GPC5: variants seen among roughly 807,000 people sequenced by gnomAD.
GPC5 encodes the protein glypican-5.
In GPC5, 47 loss-of-function variants were observed where a neutral mutation model predicts 53.9. The ratio of observed to expected loss-of-function variants is 0.87; its 90% CI spans 0.69 to 1.11. The LOEUF (loss-of-function observed/expected upper bound fraction) is 1.11. Among genes scored for constraint, GPC5 ranks in the 50% most tolerant of loss-of-function variants. The probability of loss-of-function intolerance (pLI) is 0.00; values close to 1 mark genes in which losing one functional copy is unlikely to be tolerated. For synonymous variants in GPC5, 286 were observed against 263.3 expected (o/e 1.09, Z -0.84); for missense variants, 748 against 713.1 (o/e 1.05, Z -0.56).
At chr13:91,925,062 G>A (rs1198811970) in intron 6 of GPC5, among the ~76,000 whole-genome samples, 7 of 151,974 alleles carry the variant, frequency 4.6e-5, no homozygotes, top group Non-Finnish European at 7.4e-5. Flanking sequence ...CTCGTGATCC[G>A]CCCGCCTCGG....
At chr13:91,676,211 CAGG>C (rs570503996) in intron 2 of GPC5, among the ~76,000 whole-genome samples, 1 of 152,254 alleles carries the variant, frequency 6.6e-6, no homozygotes, top group African/African-American at 2.4e-5. Flanking sequence ...GCTGGGATTA[CAGG>C]TGCCCGCCAC....
chr13:92,835,530 G>A (rs1311866108), intron 7 of GPC5, among the ~76,000 whole-genome samples: 10 of 151,888 alleles, frequency 6.6e-5, no homozygotes, highest in East Asian at 3.9e-4. Context: ...TAATGACTGC[G>A]TAATATTTCA....
chr13:91,693,351 A>G lies in GPC5; in HGVS notation c.490A>G (p.Asn164Asp). The change falls in exon 3 of 8, where the codon AAC (asparagine) becomes GAC (aspartate). Residue 164 changes from asparagine (N) to aspartate (D), a missense_variant. Asn to Asp is a conservative substitution (Grantham distance 23). Coordinates refer to ENST00000377067, the MANE Select transcript of GPC5 (RefSeq NM_004466.6). Reference sequence around the variant, plus strand: ...GGATGTTAATCCTGAAGAATTTGTAAACAGATTTTTTGACAGTCTTTTTCC... The same window carrying G: ...GGATGTTAATCCTGAAGAATTTGTAGACAGATTTTTTGACAGTCTTTTTCC... ...GADVNPEEFV[N>D]RFFDSLFPLV... The G allele has an allele frequency of 6.2e-7, 1 of 1,614,068 alleles. No individual in the cohort carries two copies.
chr13:91,432,203 C>CTGCTGCTGCTG (rs1555306318), intron 1 of GPC5, among the ~76,000 whole-genome samples: 2 of 136,350 alleles, frequency 1.5e-5, no homozygotes, highest in African/African-American at 5.6e-5. Context: ...GCTGCTGCTG[C>CTGCTGCTGCTG]TGTGTGTGTG....
chr13:91,569,085 A>T (rs776069992), intron 2 of GPC5, among the ~76,000 whole-genome samples: 11 of 152,086 alleles, frequency 7.2e-5, no homozygotes, highest in Non-Finnish European at 1.5e-4. Flanking sequence ...GTGTCCATGA[A>T]GTGTTATAAC....
chr13:92,169,074 C>G (rs1391088279), intron 7 of GPC5, among the ~76,000 whole-genome samples: 1 of 152,100 alleles, frequency 6.6e-6, no homozygotes, highest in Admixed American at 6.5e-5. Context: ...CAAACTAACT[C>G]AGGAACAGAG....
intron 1 of GPC5, among the ~76,000 whole-genome samples, chr13:91,410,476 G>A (rs532223277): frequency 1.6e-4 from 24 of 150,880 alleles, no homozygotes; most frequent in South Asian, 8.5e-4. Context: ...CTCCTGAGTC[G>A]CTGGGACCAC....
chr13:92,716,948 C>T (rs544686109), intron 7 of GPC5, among the ~76,000 whole-genome samples: 1 of 152,080 alleles, frequency 6.6e-6, no homozygotes, highest in Non-Finnish European at 1.5e-5. Flanking sequence ...ATAACATTAT[C>T]CCTATTTTCC....
intron 7 of GPC5, among the ~76,000 whole-genome samples, chr13:92,257,366 T>G (rs1024891162): frequency 1.1e-4 from 17 of 152,048 alleles, no homozygotes; most frequent in African/African-American, 4.1e-4. Context: ...TAATATGTGA[T>G]ACTTAGGTAT....
chr13:92,806,745 T>C (rs952787732), intron 7 of GPC5, among the ~76,000 whole-genome samples: 5 of 152,092 alleles, frequency 3.3e-5, no homozygotes, highest in African/African-American at 1.2e-4. Flanking sequence ...TTAAGTTCAC[T>C]GTCTTATGTG....
In GPC5 at chr13:91,972,224, C is replaced by A. The variant is rs1001249499; in HGVS notation, c.1401+64167C>A. 6.1e-3 allele frequency among the ~76,000 whole-genome samples: 923 copies of A among 152,210 alleles called. 9 individuals carry two copies. The highest frequency in any genetic ancestry group is 0.021 in the African/African-American group (874 of 41,524). On this transcript the variant is annotated intron_variant, in intron 6 of 7. Transcript: ENST00000377067. ...TGATCCCTTTACCATTATGTAATGGCCTTCTTTGTCTCTTTTGATCTTTGT... is the reference window on the plus strand; with the variant it reads ...TGATCCCTTTACCATTATGTAATGGACTTCTTTGTCTCTTTTGATCTTTGT...
chr13:92,394,724 A>T (rs1875180868), intron 7 of GPC5, among the ~76,000 whole-genome samples: 1 of 148,884 alleles, frequency 6.7e-6, no homozygotes, highest in Non-Finnish European at 1.5e-5. Flanking sequence ...TTTTAAACAA[A>T]TTAAAAGAGA....
In GPC5 at chr13:91,693,264, T is replaced by G; in HGVS notation, c.403T>G (p.Leu135Val). ...TTGCAGTACCTACAGGAACATGGCC[T>G]TGGAGGCTGCTGCTTCGGTTCAGGA... is the stretch of plus-strand genomic sequence containing the variant. The part of the protein sequence containing the change: ...LFCSTYRNMA[L>V]EAAASVQEFF... The change falls in exon 3 of 8, where the codon TTG becomes GTG. Residue 135 changes from leucine (L) to valine (V), a missense_variant. Transcript: ENST00000377067. 1 of 1,614,124 alleles carries G rather than the reference T, an allele frequency of 6.2e-7. No homozygotes were observed. The highest frequency in any genetic ancestry group is 2.2e-5 in the East Asian group (1 of 44,850).
chr13:92,071,473 T>G (rs2041210745), intron 6 of GPC5, among the ~76,000 whole-genome samples: 1 of 152,094 alleles, frequency 6.6e-6, no homozygotes. Flanking sequence ...ATACATAAAA[T>G]GGGAATCTAA....
Position 91,908,039 on chromosome 13 carries a change from A to G in GPC5, c.1383A>G (p.Lys461=). The G allele has an allele frequency of 6.3e-7, 1 of 1,585,832 alleles. No individual in the cohort carries two copies. Among genetic ancestry groups the G allele is most frequent in the Non-Finnish European group, 8.5e-7 (1 of 1,172,970 alleles). Residue 461 remains lysine, a synonymous_variant, in exon 6 of 8, where the codon AAA becomes AAG. Coordinates refer to ENST00000377067, the MANE Select transcript of GPC5 (RefSeq NM_004466.6). ...IDPVINQIID[K]LKHVVQLLQG... is the part of the protein sequence containing the mutation. The stretch of plus-strand genomic sequence containing the variant: ...CTGTGATAAATCAGATTATTGATAA[A>G]CTGAAGCATGTTGTTCAGGTAAGTC...
At chr13:91,795,025 T>C (rs2038024687) in intron 5 of GPC5, among the ~76,000 whole-genome samples, 1 of 152,090 alleles carries the variant, frequency 6.6e-6, no homozygotes, top group Non-Finnish European at 1.5e-5. Flanking sequence ...AATGAAGAAA[T>C]TTGACAAGAT....
chr13:92,288,846 T>C (rs1357462909), intron 7 of GPC5, among the ~76,000 whole-genome samples: 1 of 152,166 alleles, frequency 6.6e-6, no homozygotes, highest in Non-Finnish European at 1.5e-5. Flanking sequence ...GATAACAGTT[T>C]CCCAAGACCA....
chr13:92,409,994 C>G (rs562982167), intron 7 of GPC5, among the ~76,000 whole-genome samples: 1 of 152,282 alleles, frequency 6.6e-6, no homozygotes, highest in African/African-American at 2.4e-5. Context: ...ACACGCATGC[C>G]TGTGCAAGTA....
intron 3 of GPC5, among the ~76,000 whole-genome samples, chr13:91,704,963 A>T (rs925184256): frequency 6.6e-6 from 1 of 152,140 alleles, no homozygotes; most frequent in Non-Finnish European, 1.5e-5. Context: ...GACCTTGGAG[A>T]CCTAATCTAT....
Sources: gnomAD v4.1 joint callset for allele counts (sites outside exome capture counted in the v4.1 genomes callset) on GRCh38, gnomAD v4.1.1 for gene constraint, MANE v1.5 for transcripts, NCBI Gene and HGNC (gene_info 2026-07-23, HGNC 2026-07-21) for gene names.